CFAP20DC: variants seen among roughly 807,000 people sequenced by gnomAD.
CFAP20DC encodes the protein protein CFAP20DC.
CFAP20DC carries 84 observed loss-of-function variants against 101.7 expected under a neutral mutation model. The observed-to-expected ratio is 0.83, with a 90% confidence interval of 0.69 to 0.99. CFAP20DC has a LOEUF of 0.99. Ranked by LOEUF, CFAP20DC falls within the 50% of genes least tolerant of loss-of-function variation. The pLI, the probability that CFAP20DC is intolerant of heterozygous loss-of-function variation, is 0.00. For synonymous variants in CFAP20DC, 359 were observed against 351.2 expected, an observed-to-expected ratio of 1.02 and a Z score of -0.25; for missense variants, 1,007 against 970.3, an observed-to-expected ratio of 1.04 and a Z score of -0.50.
At chr3:59,008,751 C>T in intron 4 of CFAP20DC, among the ~76,000 whole-genome samples, 1 of 151,904 alleles carries the variant, frequency 6.6e-6, no homozygotes, top group Non-Finnish European at 1.5e-5. Context: ...AGGAGATATA[C>T]CTAATGCTAA....
At chr3:58,826,473 G>A (rs989637416) in intron 14 of CFAP20DC, among the ~76,000 whole-genome samples, 1 of 151,846 alleles carries the variant, frequency 6.6e-6, no homozygotes. Context: ...ACACTCCGAC[G>A]GGCACTGCTG....
At chr3:59,013,444 C>G (rs1265035907) in intron 4 of CFAP20DC, among the ~76,000 whole-genome samples, 1 of 152,030 alleles carries the variant, frequency 6.6e-6, no homozygotes. Context: ...AAGGATGTTC[C>G]CAGCATCATA....
At chr3:59,030,086 T>C (rs970697869) in intron 4 of CFAP20DC, among the ~76,000 whole-genome samples, 2 of 152,226 alleles carry the variant, frequency 1.3e-5, no homozygotes, top group African/African-American at 4.8e-5. Context: ...TCTTGATGTA[T>C]AAATGTATCT....
chr3:58,773,402 AG>A (rs1239688519), intron 15 of CFAP20DC, among the ~76,000 whole-genome samples: 2 of 147,644 alleles, frequency 1.4e-5, no homozygotes, highest in East Asian at 4.6e-4. Context: ...AAAAAAAAAA[AG>A]AAAAAGAAAA....
intron 4 of CFAP20DC, among the ~76,000 whole-genome samples, chr3:58,976,595 A>G (rs1476650796): frequency 1.7e-4 from 26 of 152,230 alleles, no homozygotes; most frequent in Admixed American, 1.7e-3. Context: ...TTGTCAAAGC[A>G]TCACAAGAGG....
intron 2 of CFAP20DC, 146 bp from the exon 3 acceptor site, chr3:59,046,468 A>G: frequency 3.3e-6 from 2 of 600,898 alleles, no homozygotes; most frequent in South Asian, 2.1e-5. Flanking sequence ...CTTTTATTCC[A>G]AGACTTGCTG....
rs960177010 is a variant in CFAP20DC, at chr3:58,721,811, C to T, written c.198-4183G>A. On this transcript the variant is annotated intron_variant, in intron 3 of 3. Transcript: ENST00000486145. This position sits in a 1 kb window ranked among gnomAD's most constrained non-coding sequence, Gnocchi z 5.2. ...ACACATTCCTTTCAGAGAACCAGGG[C>T]AGGAATCCAAAGTGGAGACCACCAG... Among the ~76,000 whole-genome samples, 1 of 152,194 alleles carries T rather than the reference C, an allele frequency of 6.6e-6. No homozygotes were observed.
chr3:58,766,304 C>G (rs532549477), intron 15 of CFAP20DC, among the ~76,000 whole-genome samples: 1 of 152,260 alleles, frequency 6.6e-6, no homozygotes, highest in South Asian at 2.1e-4. Flanking sequence ...CTATATAGTT[C>G]AATGACCCAT....
intron 11 of CFAP20DC, among the ~76,000 whole-genome samples, chr3:58,866,163 G>T (rs2079668928): frequency 6.6e-6 from 1 of 152,012 alleles, no homozygotes; most frequent in South Asian, 2.1e-4. Context: ...TTTTTCCCTT[G>T]CTCAAAAACA....
intron 5 of CFAP20DC, among the ~76,000 whole-genome samples, chr3:58,933,009 G>C (rs1312893262): frequency 2.6e-5 from 4 of 152,276 alleles, no homozygotes; most frequent in Non-Finnish European, 5.9e-5. Context: ...CCATCAGTGT[G>C]CTATATTCAG....
rs142429947 is a variant in CFAP20DC at position 58,913,774 on chromosome 3, C to T, written c.484G>A (p.Ala162Thr). Reference protein sequence around the residue: ...FQSLDGIVVSANCKLRKIFTL... With the variant: ...FQSLDGIVVSTNCKLRKIFTL... ...AAGATCTTCCGTAGCTTACAGTTAG[C>T]TGAGACAACAATTCCATCCAATGAC... Residue 162 changes from alanine (A) to threonine (T), a missense_variant, in exon 6 of 17, where the codon GCT (alanine) becomes ACT (threonine). Ala to Thr is a moderately conservative substitution (Grantham distance 58). Transcript: ENST00000482387. The surrounding 1 kb of genome is among the most constrained non-coding windows in gnomAD (Gnocchi z 4.4). 85 of 1,613,574 alleles carry T rather than the reference C, an allele frequency of 5.3e-5. No homozygotes were observed. The highest frequency in any genetic ancestry group is 6.8e-5 in the Non-Finnish European group (80 of 1,179,796).
chr3:58,819,306 G>A (rs1021222131), intron 14 of CFAP20DC, among the ~76,000 whole-genome samples: 3 of 152,006 alleles, frequency 2.0e-5, no homozygotes, highest in African/African-American at 7.2e-5. Context: ...CAGAACTGAA[G>A]GAAATAGAGA....
intron 2 of CFAP20DC, 129 bp downstream of exon 2, chr3:59,047,036 A>G: frequency 1.6e-6 from 1 of 639,504 alleles, no homozygotes; most frequent in Non-Finnish European, 2.7e-6. Flanking sequence ...GCAGCCAACA[A>G]TGTCATGAAA....
rs572201788 is a variant in CFAP20DC, at chr3:58,761,668, G to A, written c.2238-7805C>T. 2.2e-3 allele frequency among the ~76,000 whole-genome samples: 334 copies of A among 152,110 alleles called. 4 individuals are homozygous for A. The highest frequency in any genetic ancestry group is 7.7e-3 in the African/African-American group (318 of 41,464). ...AGATCTTTCTTGCTTTCTCTTGTGG[G>A]CATTTAGTGCTATAAATTTCCGTCT... On this transcript the variant is annotated intron_variant, in intron 15 of 16. Transcript: ENST00000482387.
At chr3:58,867,668 A>C (rs1404283203) in intron 10 of CFAP20DC, 149 bp downstream of exon 10, 7 of 909,238 alleles carry the variant, frequency 7.7e-6, no homozygotes, top group Admixed American at 2.7e-5. Flanking sequence ...TCTTTTGCAG[A>C]AAATTTGATT....
At chr3:58,726,324 A>G (rs1340649876) in intron 3 of CFAP20DC, 1 of 152,328 alleles carries the variant, frequency 6.6e-6, no homozygotes, top group African/African-American at 2.4e-5. Flanking sequence ...CTCAAATCTA[A>G]GCTGAATACA....
intron 14 of CFAP20DC, among the ~76,000 whole-genome samples, chr3:58,810,067 T>C (rs1249390307): frequency 6.6e-6 from 1 of 152,166 alleles, no homozygotes; most frequent in Non-Finnish European, 1.5e-5. Flanking sequence ...ATCAATAGCT[T>C]ACCAATCAAA....
intron 4 of CFAP20DC, among the ~76,000 whole-genome samples, chr3:59,026,828 C>T (rs759477840): frequency 3.3e-5 from 5 of 151,874 alleles, no homozygotes; most frequent in South Asian, 2.1e-4. Context: ...AGTAACAGTA[C>T]GGAAAAAATA....
intron 4 of CFAP20DC, among the ~76,000 whole-genome samples, chr3:58,958,340 C>T (rs956939820): frequency 6.6e-6 from 1 of 152,132 alleles, no homozygotes; most frequent in Admixed American, 6.6e-5. Flanking sequence ...AAGATTCATT[C>T]ATATTGCAGA....
Sources: allele counts gnomAD v4.1 joint callset (sites outside exome capture counted in the v4.1 genomes callset), GRCh38; gene constraint gnomAD v4.1.1; non-coding constraint Gnocchi (gnomAD v3.1); transcripts MANE v1.5; gene names NCBI Gene and HGNC (gene_info 2026-07-23, HGNC 2026-07-21).